Variants in STYK1 observed in about 807,000 individuals in gnomAD.
STYK1 encodes tyrosine-protein kinase STYK1.
STYK1 carries 46 observed loss-of-function variants against 48.1 expected under a neutral mutation model. That is an observed-to-expected ratio of 0.96 (90% CI 0.75 to 1.22). The LOEUF is 1.22. Ranked by LOEUF, STYK1 falls within the 50% of genes most tolerant of loss-of-function variation. STYK1 has a pLI of 0.00. For synonymous variants in STYK1, 188 were observed against 189.0 expected, an observed-to-expected ratio of 0.99 and a Z score of 0.04; for missense variants, 527 against 521.1, an observed-to-expected ratio of 1.01 and a Z score of -0.11.
intron 1 of STYK1, among the ~76,000 whole-genome samples, chr12:10,671,313 G>A (rs1256524728): frequency 6.6e-6 from 1 of 152,092 alleles, no homozygotes; most frequent in Non-Finnish European, 1.5e-5. Context: ...TTTTAATAGC[G>A]TTGAAATAGC....
At chr12:10,657,004 G>A (rs984416206) in intron 1 of STYK1, among the ~76,000 whole-genome samples, 2 of 152,142 alleles carry the variant, frequency 1.3e-5, no homozygotes, top group African/African-American at 4.8e-5. Flanking sequence ...GGAAGTTATG[G>A]GGGATACTTA....
chr12:10,633,671 T>A (rs1947453420), intron 4 of STYK1, among the ~76,000 whole-genome samples: 1 of 152,138 alleles, frequency 6.6e-6, no homozygotes, highest in Non-Finnish European at 1.5e-5. Flanking sequence ...AGCCTTGGAC[T>A]TTACCCCCTT....
At chr12:10,668,457 C>A (rs1176805413) in intron 1 of STYK1, among the ~76,000 whole-genome samples, 1 of 151,154 alleles carries the variant, frequency 6.6e-6, no homozygotes, top group Non-Finnish European at 1.5e-5. Context: ...CTCACTGCAA[C>A]CTCCGCCTCC....
In STYK1 at chr12:10,619,626, C is replaced by T. The variant is rs76975608; in HGVS notation, c.*518G>A. The T allele has an allele frequency of 0.021, 3,466 of 166,328 alleles. 135 individuals carry two copies. The highest frequency in any genetic ancestry group is 0.078 in the African/African-American group (3,293 of 42,140). The allele number at this position is 166,328 out of a possible 1,614,324, so 10.3% of individuals were successfully genotyped here. On this transcript the variant is annotated 3_prime_UTR_variant, in exon 11 of 11. Transcript: ENST00000075503. ...CCGTTATAGTTCTCCTCCAACCCCA[C>T]ATGTAGGGCTCAGGACTGAAGAACT...
chr12:10,632,979 G>T (rs1353098561), intron 4 of STYK1, among the ~76,000 whole-genome samples: 1 of 152,190 alleles, frequency 6.6e-6, no homozygotes. Flanking sequence ...TATTACATAT[G>T]AGATTTGTAT....
chr12:10,649,900 C>T (rs971500916), intron 1 of STYK1, among the ~76,000 whole-genome samples: 1 of 151,858 alleles, frequency 6.6e-6, no homozygotes, highest in African/African-American at 2.4e-5. Flanking sequence ...ATCGCGAGGT[C>T]AGGAGATCGA....
At position 10,624,688 on chromosome 12, in the gene STYK1, G is replaced by A. The variant is rs563102176; in HGVS notation, c.889C>T (p.Arg297Trp). The change falls in exon 8 of 11, where the codon CGG (arginine) becomes TGG (tryptophan). Residue 297 changes from arginine to tryptophan, a missense_variant. Arg to Trp is a moderately radical substitution (Grantham distance 101, BLOSUM62 -3). Transcript: ENST00000075503. ...ATGCTAGCAGGTCTCAGGAGAAGCC[G>A]TTCTGGGGCAAGCCACTTGAGAGGT... ...TIPLKWLAPE[R>W]LLLRPASIRA... 9.8e-5 allele frequency: 158 copies of A among 1,614,132 alleles called. No individual in the cohort carries two copies. The highest frequency in any genetic ancestry group is 4.2e-4 in the East Asian group (19 of 44,872).
chr12:10,650,464 A>G (rs1947650604), intron 1 of STYK1, among the ~76,000 whole-genome samples: 1 of 152,232 alleles, frequency 6.6e-6, no homozygotes, highest in South Asian at 2.1e-4. Flanking sequence ...GCAAGAATTT[A>G]TTTGTATAAC....
intron 9 of STYK1, 107 bp from the exon 10 acceptor site, chr12:10,622,079 T>A: frequency 1.1e-6 from 1 of 876,712 alleles, no homozygotes; most frequent in Non-Finnish European, 1.8e-6. Context: ...GATATAGCCA[T>A]AGGAAAAATA....
chr12:10,631,777 A>T (rs192935121), intron 4 of STYK1, among the ~76,000 whole-genome samples: 1 of 152,336 alleles, frequency 6.6e-6, no homozygotes, highest in East Asian at 1.9e-4. Context: ...CCTTTGAGTT[A>T]CCCCAAAAGT....
intron 2 of STYK1, among the ~76,000 whole-genome samples, chr12:10,636,438 T>C (rs1190173645): frequency 6.6e-6 from 1 of 152,136 alleles, no homozygotes; most frequent in Non-Finnish European, 1.5e-5. Flanking sequence ...AGTTGATGAA[T>C]AGTTAGATAG....
chr12:10,624,971 A>C, intron 7 of STYK1, 112 bp from the exon 8 acceptor site: 1 of 851,916 alleles, frequency 1.2e-6, no homozygotes, highest in South Asian at 1.5e-5. Flanking sequence ...TTCTACTCTG[A>C]ACAAGTCTCA....
intron 9 of STYK1, 83 bp downstream of exon 9, chr12:10,622,555 G>T: frequency 6.6e-7 from 1 of 1,526,302 alleles, no homozygotes; most frequent in Non-Finnish European, 9.1e-7. Context: ...AACCCTTTCA[G>T]AAAGCATACA....
chr12:10,639,476 G>A (rs559076774), intron 1 of STYK1, among the ~76,000 whole-genome samples: 10 of 151,800 alleles, frequency 6.6e-5, no homozygotes, highest in South Asian at 2.1e-4. Context: ...GTGCAATGGC[G>A]TGATCTCAGC....
intron 1 of STYK1, among the ~76,000 whole-genome samples, chr12:10,649,850 C>T (rs1241692747): frequency 3.3e-5 from 5 of 152,148 alleles, no homozygotes; most frequent in Admixed American, 2.0e-4. Flanking sequence ...CAGTGGTTCA[C>T]GCCGGTAATC....
intron 1 of STYK1, among the ~76,000 whole-genome samples, chr12:10,662,582 T>C (rs1947788944): frequency 6.9e-6 from 1 of 143,900 alleles, no homozygotes; most frequent in Non-Finnish European, 1.6e-5. Flanking sequence ...TATCTCACTG[T>C]GGTTTTGATT....
chr12:10,655,188 G>A (rs555197239), intron 1 of STYK1, among the ~76,000 whole-genome samples: 1 of 152,148 alleles, frequency 6.6e-6, no homozygotes, highest in Non-Finnish European at 1.5e-5. Context: ...ATAAAGGGGA[G>A]GTACCTTGGG....
chr12:10,626,836 C>T (rs1425167936), intron 7 of STYK1, among the ~76,000 whole-genome samples: 1 of 151,990 alleles, frequency 6.6e-6, no homozygotes, highest in African/African-American at 2.4e-5. Flanking sequence ...GAAACCCCGT[C>T]TCTACTAAAA....
chr12:10,673,217 C>CA (rs1227085040), intron 1 of STYK1, among the ~76,000 whole-genome samples: 1 of 152,138 alleles, frequency 6.6e-6, no homozygotes, highest in African/African-American at 2.4e-5. Context: ...ACTAAAAATA[C>CA]AAAAAAATAA....
Sources: gnomAD v4.1 joint callset for allele counts (sites outside exome capture counted in the v4.1 genomes callset) on GRCh38, gnomAD v4.1.1 for gene constraint, MANE v1.5 for transcripts, NCBI Gene and HGNC (gene_info 2026-07-23, HGNC 2026-07-21) for gene names.